Variants in TPRG1 observed in about 807,000 individuals in gnomAD.
TPRG1 encodes tumor protein p63-regulated gene 1 protein.
In TPRG1, 29 loss-of-function variants were observed where a neutral mutation model predicts 29.3. The observed-to-expected ratio is 0.99, with a 90% CI of 0.74 to 1.35. The LOEUF is 1.35. Ranked by LOEUF, TPRG1 falls within the 40% of genes most tolerant of loss-of-function variation. The probability of loss-of-function intolerance (pLI) is 0.00; values close to 1 mark genes in which losing one functional copy is unlikely to be tolerated. For synonymous variants in TPRG1, 130 were observed against 116.8 expected, an observed-to-expected ratio of 1.11 and a Z score of -0.73; for missense variants, 327 against 335.0, an observed-to-expected ratio of 0.98 and a Z score of 0.19.
chr3:189,015,558 G>T (rs1211084350), intron 3 of TPRG1, among the ~76,000 whole-genome samples: 1 of 152,198 alleles, frequency 6.6e-6, no homozygotes, highest in East Asian at 1.9e-4. Context: ...AGACCTTCGT[G>T]ACAGCCCCTC....
chr3:189,075,947 CTT>C (rs1170976464), intron 4 of TPRG1, among the ~76,000 whole-genome samples: 1 of 152,166 alleles, frequency 6.6e-6, no homozygotes, highest in Non-Finnish European at 1.5e-5. Context: ...CGCTCAGGTT[CTT>C]TGTTTCAACT....
intron 1 of TPRG1, among the ~76,000 whole-genome samples, chr3:189,193,813 C>G (rs553888300): frequency 6.6e-6 from 1 of 150,410 alleles, no homozygotes; most frequent in Non-Finnish European, 1.5e-5. Flanking sequence ...AGTTGGTTTC[C>G]TGATTTTGTT....
At chr3:189,286,704 C>G (rs567115155) in intron 4 of TPRG1, among the ~76,000 whole-genome samples, 1 of 152,212 alleles carries the variant, frequency 6.6e-6, no homozygotes, top group Admixed American at 6.5e-5. Flanking sequence ...AGGAATGTCT[C>G]TGATCTCTTG....
At chr3:189,313,467 A>C (rs1723016122) in intron 5 of TPRG1, among the ~76,000 whole-genome samples, 1 of 152,212 alleles carries the variant, frequency 6.6e-6, no homozygotes, top group South Asian at 2.1e-4. Flanking sequence ...TGCATAACTA[A>C]ATCAAAAACT....
At chr3:189,292,705 C>T (rs546918800) in intron 4 of TPRG1, among the ~76,000 whole-genome samples, 2 of 152,292 alleles carry the variant, frequency 1.3e-5, no homozygotes, top group South Asian at 4.1e-4. Context: ...TACACACTTG[C>T]AGAAAACAAC....
chr3:189,108,692 AT>A (rs1199657803), intron 1 of TPRG1, among the ~76,000 whole-genome samples: 1 of 152,140 alleles, frequency 6.6e-6, no homozygotes, highest in Admixed American at 6.5e-5. Context: ...GCATAATTTT[AT>A]AACATAAAAT....
rs186195500 is a variant in TPRG1 at position 188,998,456 on chromosome 3, C to T, written c.-1015-2318C>T. Reference sequence around the variant, plus strand: ...ATGGTATGACTTGATGTTAGAAAGGCAGAAAGGAACCACAGCATGCTAGAG... The same window carrying T: ...ATGGTATGACTTGATGTTAGAAAGGTAGAAAGGAACCACAGCATGCTAGAG... On this transcript the variant is annotated intron_variant, in intron 1 of 10. Transcript: ENST00000433971. Among the ~76,000 whole-genome samples the T allele has an allele frequency of 2.2e-3, 335 of 152,288 alleles. 1 individual carries two copies. The highest frequency in any genetic ancestry group is 7.8e-3 in the African/African-American group (325 of 41,550).
intron 3 of TPRG1, among the ~76,000 whole-genome samples, chr3:189,218,574 T>C (rs143759707): frequency 0.01 from 1,555 of 152,320 alleles, 10 homozygotes; most frequent in Non-Finnish European, 0.017. Context: ...TTCAGAATGA[T>C]GAGAGTAAAA....
chr3:189,005,511 A>G (rs1350685511), intron 3 of TPRG1, among the ~76,000 whole-genome samples: 1 of 152,124 alleles, frequency 6.6e-6, no homozygotes, highest in East Asian at 1.9e-4. Context: ...GGACTTAGCC[A>G]AAGTTGAATA....
At chr3:189,183,645 A>G (rs1730537548) in intron 1 of TPRG1, among the ~76,000 whole-genome samples, 1 of 152,122 alleles carries the variant, frequency 6.6e-6, no homozygotes, top group South Asian at 2.1e-4. Context: ...CTTGCTGAGA[A>G]AAAGAATTTA....
At chr3:189,141,490 A>C (rs149902210) in intron 3 of TPRG1, among the ~76,000 whole-genome samples, 1,777 of 152,286 alleles carry the variant, frequency 0.012, 12 homozygotes, top group Middle Eastern at 0.02. Flanking sequence ...GGTTAAAGCC[A>C]ATTAAGATAT....
intron 4 of TPRG1, among the ~76,000 whole-genome samples, chr3:189,291,136 C>T (rs1027942701): frequency 2.0e-5 from 3 of 152,078 alleles, no homozygotes; most frequent in East Asian, 1.9e-4. Flanking sequence ...CTCCTGACCT[C>T]GTGATCCGCC....
intron 1 of TPRG1, among the ~76,000 whole-genome samples, chr3:189,110,682 C>G (rs1246250494): frequency 6.6e-6 from 1 of 151,840 alleles, no homozygotes; most frequent in African/African-American, 2.4e-5. Flanking sequence ...CTAGTTTTTA[C>G]ACAAAAGTTT....
chr3:189,287,605 G>T (rs910174346), intron 4 of TPRG1, among the ~76,000 whole-genome samples: 2 of 152,008 alleles, frequency 1.3e-5, no homozygotes, highest in Admixed American at 6.5e-5. Flanking sequence ...CACCCTGTTA[G>T]CCAGGATGGT....
At chr3:189,095,798 C>T (rs1004732415), upstream of TPRG1, among the ~76,000 whole-genome samples, 6 of 152,188 alleles carry the variant, frequency 3.9e-5, no homozygotes, top group African/African-American at 1.4e-4. Flanking sequence ...CAGCTTATGT[C>T]TGTCTTTCCC....
chr3:189,169,575 G>A (rs1395292197), upstream of TPRG1, among the ~76,000 whole-genome samples: 1 of 152,224 alleles, frequency 6.6e-6, no homozygotes, highest in Non-Finnish European at 1.5e-5. Flanking sequence ...TGGCTGTTGA[G>A]CATGTCCTCT....
chr3:188,998,777 T>C (rs1418998801), intron 1 of TPRG1, among the ~76,000 whole-genome samples: 3 of 152,088 alleles, frequency 2.0e-5, no homozygotes, highest in Non-Finnish European at 2.9e-5. Context: ...GTTGATCTTA[T>C]AGAAGTAGAG....
At chr3:189,282,533 C>G (rs1317990358) in intron 4 of TPRG1, among the ~76,000 whole-genome samples, 1 of 152,112 alleles carries the variant, frequency 6.6e-6, no homozygotes, top group Admixed American at 6.5e-5. Context: ...TCCTCTCTCC[C>G]CCTTTTCTCT....
At chr3:189,000,540 T>C (rs960963395) in intron 1 of TPRG1, among the ~76,000 whole-genome samples, 14 of 152,112 alleles carry the variant, frequency 9.2e-5, no homozygotes, top group African/African-American at 2.7e-4. Flanking sequence ...TATATAAGTA[T>C]GCAGATGGAT....
Sources: gnomAD v4.1 joint callset for allele counts (sites outside exome capture counted in the v4.1 genomes callset) on GRCh38, gnomAD v4.1.1 for gene constraint, MANE v1.5 for transcripts, NCBI Gene and HGNC (gene_info 2026-07-23, HGNC 2026-07-21) for gene names.